The following SUGCT variants were observed in gnomAD, a reference collection of about 807,000 sequenced individuals.
SUGCT encodes the protein succinyl-CoA:glutarate-CoA transferase.
In SUGCT, 41 loss-of-function variants were observed where a neutral mutation model predicts 55.0. The ratio of observed to expected loss-of-function variants is 0.74; its 90% confidence interval spans 0.58 to 0.97. SUGCT has a LOEUF of 0.97. SUGCT is among the 50% of genes least tolerant of loss of function. SUGCT has a pLI of 0.00. For synonymous variants in SUGCT, 187 were observed against 200.4 expected (o/e 0.93, Z 0.56); for missense variants, 568 against 547.8 (o/e 1.04, Z -0.37).
chr7:40,957,351 T>C, the SUGCT span, among the ~76,000 whole-genome samples: 1 of 152,106 alleles, frequency 6.6e-6, no homozygotes, highest in Non-Finnish European at 1.5e-5. Context: ...TCTTGTTGCA[T>C]TGATCCCTTT....
At chr7:40,974,874 T>C in the SUGCT span, among the ~76,000 whole-genome samples, 2 of 152,214 alleles carry the variant, frequency 1.3e-5, no homozygotes, top group Admixed American at 6.5e-5. Context: ...CTGTAAAATG[T>C]AGACATATCC....
the SUGCT span, among the ~76,000 whole-genome samples, chr7:40,940,931 G>A: frequency 6.6e-6 from 1 of 151,952 alleles, no homozygotes; most frequent in African/African-American, 2.4e-5. Context: ...GGTGAAAGTG[G>A]GTATCCTTTT....
chr7:40,153,517 T>A (rs1246614379), intron 1 of SUGCT: 1 of 390,572 alleles, frequency 2.6e-6, no homozygotes, highest in Non-Finnish European at 5.0e-6. Flanking sequence ...TTTGGACCTA[T>A]GACTCTTTTG....
chr7:40,558,715 T>C (rs896675513), intron 12 of SUGCT, among the ~76,000 whole-genome samples: 2 of 152,232 alleles, frequency 1.3e-5, no homozygotes, highest in Non-Finnish European at 2.9e-5. Context: ...ACATTGAGAA[T>C]GTACTTAGTG....
chr7:40,255,381 G>C (rs1391166570), intron 7 of SUGCT, among the ~76,000 whole-genome samples: 2 of 151,750 alleles, frequency 1.3e-5, no homozygotes, highest in African/African-American at 4.8e-5. Context: ...ACAGGCTGAG[G>C]CTGGGCACAG....
intron 12 of SUGCT, among the ~76,000 whole-genome samples, chr7:40,653,206 G>C (rs1358591966): frequency 6.6e-6 from 1 of 152,120 alleles, no homozygotes; most frequent in Non-Finnish European, 1.5e-5. Flanking sequence ...TGATTCCCCA[G>C]ATCCTGGTCT....
chr7:40,375,014 C>T (rs1475382381), intron 9 of SUGCT, among the ~76,000 whole-genome samples: 2 of 152,108 alleles, frequency 1.3e-5, no homozygotes. Flanking sequence ...TAAAGATTGT[C>T]ACGTGTGGGC....
At chr7:40,811,004 G>A (rs891356633) in intron 13 of SUGCT, among the ~76,000 whole-genome samples, 1 of 152,002 alleles carries the variant, frequency 6.6e-6, no homozygotes, top group Non-Finnish European at 1.5e-5. Flanking sequence ...CCAGTTCCAG[G>A]TATTGAATAG....
At chr7:40,335,562 T>A (rs1331034162) in intron 9 of SUGCT, among the ~76,000 whole-genome samples, 2 of 152,146 alleles carry the variant, frequency 1.3e-5, no homozygotes, top group African/African-American at 4.8e-5. Context: ...CTGTTATTGG[T>A]GTATAAGAAT....
chr7:40,984,625 C>G, the SUGCT span, among the ~76,000 whole-genome samples: 1 of 152,150 alleles, frequency 6.6e-6, no homozygotes, highest in Non-Finnish European at 1.5e-5. Context: ...AACAACAGTT[C>G]CTTTAAGACT....
intron 12 of SUGCT, among the ~76,000 whole-genome samples, chr7:40,590,627 G>A (rs1362226095): frequency 1.3e-5 from 2 of 152,212 alleles, no homozygotes; most frequent in African/African-American, 4.8e-5. Context: ...TCTGTTGGAA[G>A]AAGATATCAT....
chr7:40,754,420 A>C (rs746317983), intron 13 of SUGCT, among the ~76,000 whole-genome samples: 5 of 152,162 alleles, frequency 3.3e-5, no homozygotes, highest in East Asian at 1.9e-4. Flanking sequence ...GAGTGCTAAA[A>C]CCTCAAACAT....
In SUGCT at chr7:40,664,037, A is replaced by C. The variant is rs1801474230; in HGVS notation, c.1090-85397A>C. On this transcript the variant is annotated intron_variant, in intron 12 of 13. Transcript: ENST00000335693. ...GGGAAAATTTGGACACAGAGAATGC[A>C]TAGAGGGGAGATGGCCATCTACAAG... Among the ~76,000 whole-genome samples, 6 of 152,166 alleles carry C rather than the reference A, an allele frequency of 3.9e-5. No individual in the cohort carries two copies. The South Asian group carries it at 1.2e-3, about 32-fold the overall frequency.
rs918516835 is a variant in SUGCT at position 40,609,022 on chromosome 7, T to C, written c.1089+112636T>C. ...GGGCCTAGTATCCTGTATTCTGCTA[T>C]GTGAATGTTCTTTCAAGGTATGCTA... On this transcript the variant is annotated intron_variant, in intron 12 of 13. Transcript: ENST00000335693. 7.2e-5 allele frequency among the ~76,000 whole-genome samples: 11 copies of C among 152,212 alleles called. No homozygotes were observed. The East Asian group carries it at 1.7e-3, about 24-fold the overall frequency.
intron 6 of SUGCT, among the ~76,000 whole-genome samples, chr7:40,215,246 G>C (rs1787558401): frequency 6.6e-6 from 1 of 152,068 alleles, no homozygotes. Context: ...GGGCTCAAAC[G>C]ATCTTCCTAC....
intron 13 of SUGCT, among the ~76,000 whole-genome samples, chr7:40,843,183 A>G (rs2128791176): frequency 6.6e-6 from 1 of 152,310 alleles, no homozygotes; most frequent in Non-Finnish European, 1.5e-5. Context: ...CAAAGGGGCG[A>G]TGGAAAGTAG....
intron 13 of SUGCT, among the ~76,000 whole-genome samples, chr7:40,755,608 G>A (rs1415683446): frequency 1.3e-5 from 2 of 152,206 alleles, no homozygotes; most frequent in East Asian, 1.9e-4. Flanking sequence ...TGCATGTACT[G>A]TGGAGGTGCC....
intron 12 of SUGCT, among the ~76,000 whole-genome samples, chr7:40,670,693 C>G (rs1250225307): frequency 6.6e-6 from 1 of 151,950 alleles, no homozygotes; most frequent in African/African-American, 2.4e-5. Context: ...GGCCTCCTTT[C>G]AAAAATGCAA....
At chr7:40,640,104 A>G (rs1206398014) in intron 12 of SUGCT, among the ~76,000 whole-genome samples, 1 of 152,194 alleles carries the variant, frequency 6.6e-6, no homozygotes, top group Non-Finnish European at 1.5e-5. Context: ...CACCTTCTTA[A>G]TGAATCCTTC....
Sources: allele counts gnomAD v4.1 joint callset (sites outside exome capture counted in the v4.1 genomes callset), GRCh38; gene constraint gnomAD v4.1.1; transcripts MANE v1.5; gene names NCBI Gene and HGNC (gene_info 2026-07-23, HGNC 2026-07-21).